The following ATXN10 variants were observed in gnomAD, a reference collection of about 807,000 sequenced individuals.
ATXN10 encodes ataxin-10.
ATXN10 carries 28 observed loss-of-function variants against 52.9 expected under a neutral mutation model. The ratio of observed to expected loss-of-function variants is 0.53; its 90% confidence interval spans 0.39 to 0.73. ATXN10 has a LOEUF of 0.73. Among genes scored for constraint, ATXN10 ranks in the 30% least tolerant of loss-of-function variants. The pLI is 0.00. For synonymous variants in ATXN10, 226 were observed against 221.5 expected, an observed-to-expected ratio of 1.02 and a Z score of -0.18; for missense variants, 565 against 577.0, an observed-to-expected ratio of 0.98 and a Z score of 0.21.
At chr22:45,702,667 A>G (rs1569028836) in intron 4 of ATXN10, 22 bp from the exon 5 acceptor site, 1 of 1,613,478 alleles carries the variant, frequency 6.2e-7, no homozygotes, top group East Asian at 2.2e-5. Flanking sequence ...TGGGCTAACA[A>G]TCTCATTTCC....
At chr22:45,735,184 G>A (rs1185879391) in intron 7 of ATXN10, among the ~76,000 whole-genome samples, 2 of 151,886 alleles carry the variant, frequency 1.3e-5, no homozygotes, top group Non-Finnish European at 2.9e-5. Context: ...CGGCCAGGTT[G>A]TATTTTAATA....
intron 1 of ATXN10, chr22:45,673,296 G>A (rs2146718062): frequency 6.6e-6 from 1 of 152,390 alleles, no homozygotes; most frequent in Non-Finnish European, 1.5e-5. Context: ...ACAAAGCAGA[G>A]GGAACATTGA....
At position 45,738,873 on chromosome 22, in the gene ATXN10, A is replaced by C. The variant is rs747115577; in HGVS notation, c.1003+34A>C. 70 of 1,550,370 alleles carry C rather than the reference A, an allele frequency of 4.5e-5. 1 individual carries two copies. The South Asian group carries it at 7.7e-4, about 17-fold the overall frequency. On this transcript the variant is annotated intron_variant, in intron 8 of 11. Coordinates refer to ENST00000252934, the MANE Select transcript of ATXN10 (RefSeq NM_013236.4). ...AATATCACACATTGTATTTTTAGCT[A>C]AGAAATCTTTGGCTTGTCATACTGT...
In ATXN10 at chr22:45,823,863, C is replaced by T. The variant is rs1433332785; in HGVS notation, c.1237+16841C>T. Among the ~76,000 whole-genome samples, 1 of 152,114 alleles carries T rather than the reference C, an allele frequency of 6.6e-6. No individual in the cohort carries two copies. Among genetic ancestry groups the T allele is most frequent in the Non-Finnish European group, 1.5e-5 (1 of 68,012 alleles). The stretch of plus-strand genomic sequence containing the variant: ...GTTTCAGTATGGTAGGTGGGCACAC[C>T]CCCTGCTAGGCTTGGGGGCAGGCAC... On this transcript the variant is annotated intron_variant, in intron 10 of 11. Coordinates refer to ENST00000252934, the MANE Select transcript of ATXN10 (RefSeq NM_013236.4). This position sits in a 1 kb window ranked among gnomAD's most constrained non-coding sequence, Gnocchi z 4.9.
chr22:45,747,421 T>C (rs928403240), intron 9 of ATXN10, among the ~76,000 whole-genome samples: 2 of 152,162 alleles, frequency 1.3e-5, no homozygotes, highest in African/African-American at 4.8e-5. Context: ...GGAGGATTGC[T>C]TGAGCCCAGG....
chr22:45,698,502 A>G (rs1923709630), intron 3 of ATXN10, among the ~76,000 whole-genome samples: 1 of 152,200 alleles, frequency 6.6e-6, no homozygotes, highest in South Asian at 2.1e-4. Context: ...TTTTCTATAC[A>G]TTGTAGATAC....
rs1928572970 is a variant in ATXN10, at chr22:45,819,270, C to A, written c.1237+12248C>A. The stretch of plus-strand genomic sequence containing the variant: ...TAGAATAGGCTTTTATAATTCTTAA[C>A]TTTGTATTTTAGAAATTTTGTATCT... On this transcript the variant is annotated intron_variant, in intron 10 of 11. Coordinates refer to ENST00000252934, the MANE Select transcript of ATXN10 (RefSeq NM_013236.4). The surrounding 1 kb of genome is among the most constrained non-coding windows in gnomAD (Gnocchi z 4.5). Among the ~76,000 whole-genome samples, 1 of 148,720 alleles carries A rather than the reference C, an allele frequency of 6.7e-6. No individual in the cohort carries two copies. Among genetic ancestry groups the A allele is most frequent in the Admixed American group, 6.6e-5 (1 of 15,058 alleles).
chr22:45,778,129 GT>G (rs1376762398), intron 9 of ATXN10, among the ~76,000 whole-genome samples: 1 of 152,206 alleles, frequency 6.6e-6, no homozygotes, highest in African/African-American at 2.4e-5. Flanking sequence ...TACAGAAAAA[GT>G]TTGCTGGCCC....
rs184201717 is a variant in ATXN10, at chr22:45,722,352, C to A, written c.728+3859C>A. Among the ~76,000 whole-genome samples, 185 of 152,300 alleles carry A rather than the reference C, an allele frequency of 1.2e-3. 1 individual carries two copies. The highest frequency in any genetic ancestry group is 4.3e-3 in the African/African-American group (180 of 41,558). ...TACCAGACTAAAGAGCTTTTAGACTCATTCCTTAACAGTGGGAACCATTAG... is the reference window on the plus strand; with the variant it reads ...TACCAGACTAAAGAGCTTTTAGACTAATTCCTTAACAGTGGGAACCATTAG... On this transcript the variant is annotated intron_variant, in intron 6 of 11. Transcript: ENST00000252934.
chr22:45,809,653 A>G (rs1036123742), intron 10 of ATXN10, among the ~76,000 whole-genome samples: 3 of 152,158 alleles, frequency 2.0e-5, no homozygotes, highest in African/African-American at 7.2e-5. Context: ...CCCACGCTGT[A>G]AATGAGGCTT....
rs117914147 is a variant in ATXN10, at chr22:45,719,623, A to G, written c.728+1130A>G. On this transcript the variant is annotated intron_variant, in intron 6 of 11. Coordinates refer to ENST00000252934, the MANE Select transcript of ATXN10 (RefSeq NM_013236.4). ...ATGCACAGTTTAATTGTATTTTAAT[A>G]TTCAAGCTGATATTTTCCATAGTCT... 6.6e-3 allele frequency among the ~76,000 whole-genome samples: 1,000 copies of G among 152,182 alleles called. 4 individuals carry two copies. The highest frequency in any genetic ancestry group is 0.028 in the Middle Eastern group (8 of 290).
intron 9 of ATXN10, among the ~76,000 whole-genome samples, chr22:45,758,352 A>G (rs899969212): frequency 2.0e-5 from 3 of 152,230 alleles, no homozygotes; most frequent in South Asian, 2.1e-4. Context: ...TTTAGAATAC[A>G]TATGAAGACT....
At chr22:45,776,061 C>T (rs1465246178) in intron 9 of ATXN10, among the ~76,000 whole-genome samples, 1 of 152,176 alleles carries the variant, frequency 6.6e-6, no homozygotes, top group Non-Finnish European at 1.5e-5. Flanking sequence ...TGAGCATGTC[C>T]TGTTACCTTT....
chr22:45,773,752 C>G (rs1295898155), intron 9 of ATXN10, among the ~76,000 whole-genome samples: 1 of 152,124 alleles, frequency 6.6e-6, no homozygotes, highest in Non-Finnish European at 1.5e-5. Flanking sequence ...GCCACTGCAC[C>G]TGGCCTGAAT....
At chr22:45,767,446 C>CAT in intron 9 of ATXN10, among the ~76,000 whole-genome samples, 1 of 151,760 alleles carries the variant, frequency 6.6e-6, no homozygotes, top group African/African-American at 2.4e-5. Flanking sequence ...TACACACACA[C>CAT]ACACACACCA....
intron 1 of ATXN10, chr22:45,673,317 A>C (rs1042156798): frequency 3.9e-5 from 6 of 152,260 alleles, no homozygotes; most frequent in African/African-American, 1.4e-4. Flanking sequence ...AGAAAGAAAT[A>C]CTGAGACTTG....
At chr22:45,719,415 A>G (rs557304937) in intron 6 of ATXN10, among the ~76,000 whole-genome samples, 1 of 152,306 alleles carries the variant, frequency 6.6e-6, no homozygotes, top group African/African-American at 2.4e-5. Flanking sequence ...TTATGCTTTT[A>G]AAGTCATATG....
At chr22:45,758,710 G>A (rs867082649) in intron 9 of ATXN10, among the ~76,000 whole-genome samples, 18 of 152,348 alleles carry the variant, frequency 1.2e-4, no homozygotes, top group African/African-American at 2.2e-4. Flanking sequence ...ACTGCGGAGC[G>A]CCAGGAGCTG....
At chr22:45,731,184 T>C (rs184291535) in intron 7 of ATXN10, among the ~76,000 whole-genome samples, 3 of 152,346 alleles carry the variant, frequency 2.0e-5, no homozygotes, top group Admixed American at 2.0e-4. Flanking sequence ...GCACTTGTGA[T>C]ACAACAGGGA....
Sources: allele counts gnomAD v4.1 joint callset (sites outside exome capture counted in the v4.1 genomes callset), GRCh38; gene constraint gnomAD v4.1.1; non-coding constraint Gnocchi (gnomAD v3.1); transcripts MANE v1.5; gene names NCBI Gene and HGNC (gene_info 2026-07-23, HGNC 2026-07-21).